Variants in PTPRO observed in about 807,000 individuals in gnomAD.
PTPRO encodes receptor-type tyrosine-protein phosphatase O.
A neutral mutation model predicts 145.2 loss-of-function variants in PTPRO; 62 were observed. That is an observed-to-expected ratio of 0.43 (90% CI 0.35 to 0.53). PTPRO has a LOEUF of 0.53. Ranked by LOEUF, PTPRO falls within the 20% of genes least tolerant of loss-of-function variation. PTPRO has a pLI of 0.01. For synonymous variants in PTPRO, 565 were observed against 514.7 expected (o/e 1.10, Z -1.32); for missense variants, 1,345 against 1,482.7 (o/e 0.91, Z 1.53).
In PTPRO at chr12:15,548,851, T is replaced by G. The variant is rs1267401226; in HGVS notation, c.2305-243T>G. Among the ~76,000 whole-genome samples the G allele has an allele frequency of 2.6e-5, 4 of 152,116 alleles. No homozygotes were observed. In the East Asian group the frequency reaches 7.7e-4, roughly 29 times the overall value. On this transcript the variant is annotated intron_variant, in intron 13 of 26. Coordinates refer to ENST00000281171, the MANE Select transcript of PTPRO (RefSeq NM_030667.3). ...TTTTTAACTGTGTCATATATGTTCA[T>G]ACATCCATAAAATGCATATGGGAAG...
intron 1 of PTPRO, among the ~76,000 whole-genome samples, chr12:15,444,845 T>C (rs1431193707): frequency 2.0e-5 from 3 of 152,174 alleles, no homozygotes; most frequent in Admixed American, 6.5e-5. Flanking sequence ...GTCCATGTTT[T>C]TTTTATAGCT....
intron 1 of PTPRO, among the ~76,000 whole-genome samples, chr12:15,338,933 G>A: frequency 6.6e-6 from 1 of 152,052 alleles, no homozygotes; most frequent in East Asian, 1.9e-4. Context: ...CATTTTAAGA[G>A]TACAAAACAA....
Position 15,440,015 on chromosome 12 carries a change from G to A in PTPRO, c.76-43959G>A, listed in dbSNP as rs893755020. The A allele has an allele frequency of 5.8e-5, 39 of 674,744 alleles. 1 individual carries two copies. In the South Asian group the frequency reaches 6.1e-4, roughly 11 times the overall value. 41.8% of individuals were successfully genotyped at this position (674,744 alleles called of 1,614,324 possible). On this transcript the variant is annotated intron_variant, in intron 1 of 26. Coordinates refer to ENST00000281171, the MANE Select transcript of PTPRO (RefSeq NM_030667.3). The stretch of plus-strand genomic sequence containing the variant: ...CCTGGCCAAGCTCTCCATTGTCCCT[G>A]TGTGCAGAGGCTACAGGGGTAACAA...
intron 1 of PTPRO, among the ~76,000 whole-genome samples, chr12:15,340,455 T>C (rs1337850989): frequency 6.6e-6 from 1 of 152,198 alleles, no homozygotes; most frequent in East Asian, 1.9e-4. Context: ...TTCCTGCCCA[T>C]CCAAAATCAT....
intron 18 of PTPRO, 132 bp from the exon 19 acceptor site, chr12:15,569,285 G>T: frequency 1.3e-6 from 1 of 769,534 alleles, no homozygotes. Flanking sequence ...AAAAAAAAAG[G>T]TGAGTGCTAA....
chr12:15,566,630 C>T (rs939179622), intron 18 of PTPRO, among the ~76,000 whole-genome samples: 1 of 152,150 alleles, frequency 6.6e-6, no homozygotes, highest in South Asian at 2.1e-4. Flanking sequence ...AAGTGATTCT[C>T]CTGCCTCAGC....
intron 17 of PTPRO, among the ~76,000 whole-genome samples, chr12:15,562,132 A>T (rs541912153): frequency 1.3e-5 from 2 of 152,256 alleles, no homozygotes; most frequent in Middle Eastern, 6.8e-3. Context: ...TAAATTTCAC[A>T]CATATCAACT....
intron 1 of PTPRO, among the ~76,000 whole-genome samples, chr12:15,422,789 G>T (rs1024861063): frequency 6.6e-5 from 10 of 152,136 alleles, no homozygotes; most frequent in Non-Finnish European, 1.5e-5. Context: ...TTTGAAAAGG[G>T]TAAATATTTA....
intron 19 of PTPRO, among the ~76,000 whole-genome samples, chr12:15,570,105 G>T (rs1236328313): frequency 1.3e-5 from 2 of 152,086 alleles, no homozygotes; most frequent in African/African-American, 4.8e-5. Context: ...TATTTCTTTG[G>T]ATCTAAAACC....
chr12:15,392,152 G>A (rs374753675), intron 1 of PTPRO, among the ~76,000 whole-genome samples: 2 of 152,158 alleles, frequency 1.3e-5, no homozygotes, highest in African/African-American at 4.8e-5. Flanking sequence ...AAAATTTAGT[G>A]TAAGAAACCA....
chr12:15,466,393 A>T (rs192468766), intron 1 of PTPRO, among the ~76,000 whole-genome samples: 2 of 152,196 alleles, frequency 1.3e-5, no homozygotes, highest in Non-Finnish European at 2.9e-5. Context: ...AAAAATGCAC[A>T]TTGAAAAATT....
At chr12:15,372,939 A>G (rs897863467) in intron 1 of PTPRO, among the ~76,000 whole-genome samples, 22 of 152,220 alleles carry the variant, frequency 1.4e-4, no homozygotes, top group African/African-American at 4.8e-4. Context: ...CAGGTGGACC[A>G]TCTATTTTTG....
At chr12:15,381,002 G>A (rs1276332658) in intron 1 of PTPRO, among the ~76,000 whole-genome samples, 1 of 152,088 alleles carries the variant, frequency 6.6e-6, no homozygotes, top group Non-Finnish European at 1.5e-5. Flanking sequence ...TGAAGACATA[G>A]CATAATAAAG....
intron 2 of PTPRO, among the ~76,000 whole-genome samples, chr12:15,489,231 G>A (rs745836634): frequency 2.0e-5 from 3 of 151,986 alleles, no homozygotes; most frequent in Non-Finnish European, 4.4e-5. Flanking sequence ...AACCAGAAAG[G>A]GGTCACAATC....
intron 17 of PTPRO, among the ~76,000 whole-genome samples, chr12:15,564,727 T>C (rs1565432168): frequency 6.6e-6 from 1 of 152,254 alleles, no homozygotes; most frequent in Non-Finnish European, 1.5e-5. Context: ...TGGGTGCTTC[T>C]ATCAAAATTA....
intron 1 of PTPRO, among the ~76,000 whole-genome samples, chr12:15,361,296 TGGC>T (rs578145153): frequency 4.1e-4 from 62 of 151,170 alleles, no homozygotes; most frequent in African/African-American, 1.5e-3. Flanking sequence ...AAAATTAGCC[TGGC>T]GTAGTGGCTC....
chr12:15,448,879 C>A (rs879673505), intron 1 of PTPRO, among the ~76,000 whole-genome samples: 1 of 150,988 alleles, frequency 6.6e-6, no homozygotes, highest in African/African-American at 2.4e-5. Context: ...ACCTGGAGAA[C>A]AAGACATTAT....
At chr12:15,370,611 G>A (rs1427159816) in intron 1 of PTPRO, among the ~76,000 whole-genome samples, 1 of 151,940 alleles carries the variant, frequency 6.6e-6, no homozygotes, top group African/African-American at 2.4e-5. Flanking sequence ...ATGTATGAGA[G>A]GTGTCATAAT....
chr12:15,580,740 T>C lies in PTPRO; in HGVS notation c.3041T>C (p.Leu1014Pro), dbSNP rs1413006452. 1 of 1,614,088 alleles carries C rather than the reference T, an allele frequency of 6.2e-7. No individual in the cohort carries two copies. The highest frequency in any genetic ancestry group is 1.7e-5 in the Admixed American group (1 of 60,018). Reference protein sequence around the residue: ...PQEYIATQGPLPETRNDFWKM... With the variant: ...PQEYIATQGPPPETRNDFWKM... ...GAGTATATTGCCACCCAGGGGCCAC[T>C]GCCTGAAACCAGAAATGACTTCTGG... is the stretch of plus-strand genomic sequence containing the variant. The change falls in exon 22 of 27, where the codon CTG (leucine) becomes CCG (proline). Residue 1014 changes from leucine to proline, a missense_variant. Leu to Pro is a moderately conservative substitution (Grantham distance 98). Coordinates refer to ENST00000281171, the MANE Select transcript of PTPRO (RefSeq NM_030667.3).
Sources: gnomAD v4.1 joint callset for allele counts (sites outside exome capture counted in the v4.1 genomes callset) on GRCh38, gnomAD v4.1.1 for gene constraint, MANE v1.5 for transcripts, NCBI Gene and HGNC (gene_info 2026-07-23, HGNC 2026-07-21) for gene names.